CEP128: variants seen among roughly 807,000 people sequenced by gnomAD.
CEP128 encodes centrosomal protein 128, also known as centrosomal protein 128kDa.
Under a neutral mutation model 156.7 loss-of-function variants are expected in CEP128, and 132 were observed. That is an observed-to-expected ratio of 0.84 (90% confidence interval 0.73 to 0.97). The LOEUF (loss-of-function observed/expected upper bound fraction) is 0.97, where lower values mean the gene tolerates loss of function less well. Among genes scored for constraint, CEP128 ranks in the 50% least tolerant of loss-of-function variants. CEP128 has a pLI of 0.00. For synonymous variants in CEP128, 469 were observed against 448.9 expected (o/e 1.04, Z -0.57); for missense variants, 1,252 against 1,281.9 (o/e 0.98, Z 0.36).
chr14:80,720,748 T>C (rs1564940), intron 19 of CEP128, among the ~76,000 whole-genome samples: 107,556 of 152,148 alleles, frequency 0.71, 38,116 homozygotes, highest in African/African-American at 0.75. Flanking sequence ...TTGGTCTAGG[T>C]AGCGGAAACG....
chr14:80,653,563 T>C (rs769249708), intron 19 of CEP128, among the ~76,000 whole-genome samples: 7 of 152,154 alleles, frequency 4.6e-5, no homozygotes, highest in Non-Finnish European at 8.8e-5. Flanking sequence ...AGGACTTTCA[T>C]AGCTAGAAAG....
intron 23 of CEP128, among the ~76,000 whole-genome samples, chr14:80,524,553 TCA>T (rs1888892637): frequency 6.6e-6 from 1 of 152,168 alleles, no homozygotes; most frequent in Non-Finnish European, 1.5e-5. Context: ...GCCTCCTCTC[TCA>T]GTCTTTTGTA....
At chr14:80,563,994 A>T (rs1241980724) in intron 20 of CEP128, among the ~76,000 whole-genome samples, 1 of 152,228 alleles carries the variant, frequency 6.6e-6, no homozygotes, top group Non-Finnish European at 1.5e-5. Context: ...GACTATAACT[A>T]AGGGCTCTTA....
At chr14:80,788,248 T>C (rs1901514939) in intron 14 of CEP128, among the ~76,000 whole-genome samples, 1 of 143,086 alleles carries the variant, frequency 7.0e-6, no homozygotes. Flanking sequence ...TTGAGGCAAA[T>C]CAAAACAGTG....
intron 18 of CEP128, among the ~76,000 whole-genome samples, chr14:80,746,800 AC>A (rs1473849045): frequency 6.6e-6 from 1 of 152,218 alleles, no homozygotes; most frequent in African/African-American, 2.4e-5. Flanking sequence ...AAAAGAAGAG[AC>A]AACCTGCTAA....
At chr14:80,771,334 G>A (rs1422942279) in intron 16 of CEP128, among the ~76,000 whole-genome samples, 2 of 152,124 alleles carry the variant, frequency 1.3e-5, no homozygotes, top group South Asian at 2.1e-4. Flanking sequence ...CTTATATCCT[G>A]TTTCTACCAT....
intron 16 of CEP128, among the ~76,000 whole-genome samples, chr14:80,766,770 C>A (rs1900259571): frequency 6.6e-6 from 1 of 151,924 alleles, no homozygotes; most frequent in Non-Finnish European, 1.5e-5. Context: ...GCAAATGTGA[C>A]AATATTTCAG....
intron 2 of CEP128, chr14:80,955,560 G>A (rs1886615235): frequency 1.6e-6 from 2 of 1,212,370 alleles, no homozygotes; most frequent in African/African-American, 1.5e-5. Context: ...GCCCCTTGGA[G>A]CCCTCCCTCT....
intron 13 of CEP128, among the ~76,000 whole-genome samples, chr14:80,805,092 T>C (rs948777283): frequency 6.6e-6 from 1 of 151,984 alleles, no homozygotes; most frequent in Non-Finnish European, 1.5e-5. Context: ...ATCCCAAAAC[T>C]GAATACTCAG....
In CEP128 at chr14:80,729,068, T is replaced by G. The variant is rs1445460801; in HGVS notation, c.2806+14007A>C. On this transcript the variant is annotated intron_variant, in intron 19 of 24. Transcript: ENST00000555265. ...GGCTGGGCTGGTGGGGGTGTGTGTGTGTGTGTGTGTGTGTGTGTGTGTGTG... is the reference window on the plus strand; with the variant it reads ...GGCTGGGCTGGTGGGGGTGTGTGTGGGTGTGTGTGTGTGTGTGTGTGTGTG... Among the ~76,000 whole-genome samples the G allele has an allele frequency of 2.4e-3, 109 of 45,038 alleles. 4 individuals carry two copies. Among genetic ancestry groups the G allele is most frequent in the African/African-American group, 6.3e-3 (89 of 14,052 alleles). The allele number at this position is 45,038 out of a possible 152,430, so 29.5% of individuals were successfully genotyped here. A position where few individuals can be genotyped will look rare whatever the true frequency, so the allele number is the denominator to read the frequency against.
At chr14:80,634,465 GAC>G (rs150702119) in intron 19 of CEP128, among the ~76,000 whole-genome samples, 3,952 of 150,472 alleles carry the variant, frequency 0.026, 65 homozygotes, top group Non-Finnish European at 0.041. Context: ...GTTTATTGGA[GAC>G]ACAGGTAGAA....
At chr14:80,690,958 A>C (rs1196800247) in intron 19 of CEP128, among the ~76,000 whole-genome samples, 3 of 152,178 alleles carry the variant, frequency 2.0e-5, no homozygotes, top group Non-Finnish European at 4.4e-5. Context: ...ACTCTTAATA[A>C]TATCTCTGAT....
At chr14:80,874,385 A>T (rs1275027089) in intron 8 of CEP128, among the ~76,000 whole-genome samples, 1 of 151,946 alleles carries the variant, frequency 6.6e-6, no homozygotes, top group Non-Finnish European at 1.5e-5. Flanking sequence ...AATCACTTGA[A>T]TCCAGGAGGT....
At chr14:80,913,385 T>C (rs1313581011) in intron 4 of CEP128, among the ~76,000 whole-genome samples, 1 of 152,238 alleles carries the variant, frequency 6.6e-6, no homozygotes, top group South Asian at 2.1e-4. Flanking sequence ...CATTATTAAA[T>C]TTTAAAACGT....
At chr14:80,549,700 TCTAA>T (rs1890133252) in intron 21 of CEP128, among the ~76,000 whole-genome samples, 1 of 152,204 alleles carries the variant, frequency 6.6e-6, no homozygotes, top group South Asian at 2.1e-4. Flanking sequence ...TAGTAAGTAC[TCTAA>T]CTCATTTGGG....
At chr14:80,692,126 T>C (rs1896739861) in intron 19 of CEP128, among the ~76,000 whole-genome samples, 1 of 152,292 alleles carries the variant, frequency 6.6e-6, no homozygotes, top group African/African-American at 2.4e-5. Context: ...AAATTGTGAC[T>C]AGTTGTCAGG....
chr14:80,891,430 T>C (rs149951200), intron 8 of CEP128, among the ~76,000 whole-genome samples: 1 of 152,126 alleles, frequency 6.6e-6, no homozygotes, highest in Non-Finnish European at 1.5e-5. Context: ...GAGGCCATTA[T>C]GTTAAGTGAA....
rs987269483 is a variant in CEP128 at position 80,904,211 on chromosome 14, AT to A, written c.480+601del. On this transcript the variant is annotated intron_variant, in intron 6 of 24. Transcript: ENST00000555265. ...CAAAAACATGGATGAATCTGAAGAC[AT>A]TATGTTAAGTAAAAAAGGCCAGGCA... Among the ~76,000 whole-genome samples the A allele has an allele frequency of 1.2e-3, 177 of 152,282 alleles. 1 individual carries two copies. The highest frequency in any genetic ancestry group is 4.0e-3 in the African/African-American group (168 of 41,578).
intron 23 of CEP128, among the ~76,000 whole-genome samples, chr14:80,510,997 T>A (rs932001860): frequency 1.3e-5 from 2 of 151,666 alleles, no homozygotes; most frequent in Non-Finnish European, 1.5e-5. Flanking sequence ...TTTGGTTTGC[T>A]GGTATTTTGT....
Sources: allele counts gnomAD v4.1 joint callset (sites outside exome capture counted in the v4.1 genomes callset), GRCh38; gene constraint gnomAD v4.1.1; transcripts MANE v1.5; gene names NCBI Gene and HGNC (gene_info 2026-07-23, HGNC 2026-07-21).